MYO15A: variants seen among roughly 807,000 people sequenced by gnomAD.
MYO15A encodes the protein myosin XVA.
A neutral mutation model predicts 394.6 loss-of-function variants in MYO15A; 308 were observed. That is an observed-to-expected ratio of 0.78 (90% CI 0.71 to 0.86). The LOEUF is 0.86. MYO15A is among the 40% of genes least tolerant of loss of function. The probability of loss-of-function intolerance (pLI) is 0.00; values close to 1 mark genes in which losing one functional copy is unlikely to be tolerated. For missense variants in MYO15A, 4,606 were observed against 4,799.1 expected (o/e 0.96, Z 1.19); for synonymous variants, 1,957 against 2,003.8 (o/e 0.98, Z 0.62).
chr17:18,116,455 T>A (rs968064721), intron 1 of MYO15A, among the ~76,000 whole-genome samples: 2 of 152,250 alleles, frequency 1.3e-5, no homozygotes, highest in Non-Finnish European at 2.9e-5. Flanking sequence ...AGTCCCTTCA[T>A]CTTTTGAGTC....
chr17:18,140,484 C>T (rs771104271), intron 19 of MYO15A, 33 bp from the exon 20 acceptor site: 1 of 1,613,220 alleles, frequency 6.2e-7, no homozygotes, highest in East Asian at 2.2e-5. Context: ...CGGACCCTGC[C>T]TGTCTGTTTT....
chr17:18,112,428 C>T (rs1033359203), intron 1 of MYO15A, among the ~76,000 whole-genome samples: 1 of 152,032 alleles, frequency 6.6e-6, no homozygotes, highest in South Asian at 2.1e-4. Flanking sequence ...CAGGGTCTCG[C>T]ACCGTCACAC....
chr17:18,148,426 G>A lies in MYO15A; in HGVS notation c.6692-70G>A, dbSNP rs1387944556. 1 of 1,532,550 alleles carries A rather than the reference G, an allele frequency of 6.5e-7. No individual in the cohort carries two copies. Among genetic ancestry groups the A allele is most frequent in the Non-Finnish European group, 8.8e-7 (1 of 1,131,506 alleles). The allele number at this position is 1,532,550 out of a possible 1,614,324, so 94.9% of individuals were successfully genotyped here. On this transcript the variant is annotated intron_variant, in intron 31 of 65. Coordinates refer to ENST00000647165, the MANE Select transcript of MYO15A (RefSeq NM_016239.4). The surrounding 1 kb of genome is among the most constrained non-coding windows in gnomAD (Gnocchi z 4.8). The stretch of plus-strand genomic sequence containing the variant: ...GATACAGGAAGCCTGAAAGGAAGAA[G>A]CAAGCAGGGAGGCACAGCCAAACTG...
chr17:18,144,460 C>CT, intron 28 of MYO15A, 37 bp from the exon 29 acceptor site: 1 of 1,586,232 alleles, frequency 6.3e-7, no homozygotes, highest in Non-Finnish European at 8.6e-7. Context: ...CCTGTCAGTC[C>CT]AGCTCTGTCT....
chr17:18,126,612 G>A (rs990234780), intron 5 of MYO15A, among the ~76,000 whole-genome samples, 156 bp downstream of exon 5: 2 of 152,096 alleles, frequency 1.3e-5, no homozygotes, highest in Non-Finnish European at 2.9e-5. Flanking sequence ...AGGCAGGGCC[G>A]AAGCTACAGG....
At chr17:18,174,028 G>T in intron 65 of MYO15A, 107 bp downstream of exon 65, 1 of 1,458,800 alleles carries the variant, frequency 6.9e-7, no homozygotes. Context: ...CCAGGCCAGT[G>T]CATGGGACAG....
intron 1 of MYO15A, among the ~76,000 whole-genome samples, chr17:18,116,646 C>T (rs2045790231): frequency 2.8e-5 from 4 of 141,996 alleles, no homozygotes; most frequent in Admixed American, 2.1e-4. Context: ...CTCGGCTGGG[C>T]GCCGTGGCTC....
At chr17:18,139,293 C>T in intron 18 of MYO15A, 1 of 621,634 alleles carries the variant, frequency 1.6e-6, no homozygotes, top group Non-Finnish European at 3.0e-6. Flanking sequence ...CCTCTGTCCC[C>T]ATCCGGGCCT....
At chr17:18,151,661 TC>T in intron 40 of MYO15A, 134 bp downstream of exon 40, 1 of 1,261,346 alleles carries the variant, frequency 7.9e-7, no homozygotes, top group Non-Finnish European at 1.1e-6. Flanking sequence ...TACTGATGAG[TC>T]CAGATGAGGC....
intron 62 of MYO15A, 54 bp from the exon 63 acceptor site, chr17:18,171,584 T>C (rs779500166): frequency 8.7e-6 from 14 of 1,612,914 alleles, no homozygotes; most frequent in Middle Eastern, 1.6e-4. Flanking sequence ...ACAGTGAGGA[T>C]TGCCTGAGCC....
chr17:18,151,275 G>C lies in MYO15A; in HGVS notation c.7639G>C (p.Ala2547Pro), dbSNP rs1366764530. 6.2e-6 allele frequency: 10 copies of C among 1,614,076 alleles called. No homozygotes were observed. Among genetic ancestry groups the C allele is most frequent in the African/African-American group, 2.7e-5 (2 of 74,932 alleles). Residue 2547 changes from alanine (A) to proline (P), a missense_variant, in exon 39 of 66, where the codon GCT becomes CCT. Physicochemically the swap from Ala to Pro is conservative, Grantham distance 27 (BLOSUM62 -1). Transcript: ENST00000647165. Reference sequence around the variant, plus strand: ...TGCCCCTGTTCTAGCTCAGGATCAGGCTTCTCCAGAAACCAGTGAGTGCCC... The same window carrying C: ...TGCCCCTGTTCTAGCTCAGGATCAGCCTTCTCCAGAAACCAGTGAGTGCCC... ...VAAPVLAQDQ[A>P]SPETTSPSPE...
chr17:18,145,591 G>A (rs1018810806), intron 29 of MYO15A, among the ~76,000 whole-genome samples: 2 of 152,130 alleles, frequency 1.3e-5, no homozygotes, highest in African/African-American at 2.4e-5. Flanking sequence ...GCATGTGCCT[G>A]TAATCCTAGC....
rs748736370 is a variant in MYO15A at position 18,158,490 on chromosome 17, G to C, written c.8968-33G>C. ...CGAAGGGCTAGGCGTGGTGTGGCCG[G>C]ACTGGGCCTTCCTAGCTCCGCCTCT... is the stretch of plus-strand genomic sequence containing the variant. On this transcript the variant is annotated intron_variant, in intron 51 of 65. Coordinates refer to ENST00000647165, the MANE Select transcript of MYO15A (RefSeq NM_016239.4). The C allele has an allele frequency of 5.6e-6, 9 of 1,595,570 alleles. No individual in the cohort carries two copies. In the African/African-American group the frequency reaches 9.4e-5, roughly 17 times the overall value.
Position 18,137,682 on chromosome 17 carries a change from G to A in MYO15A, c.4875+3G>A, listed in dbSNP as rs200246472. ...AGATCGTCTTCCAGGAGGAGCAGGT[G>A]TGTGGGCCCCATTAATACTCCTGTC... On this transcript the variant is annotated splice_donor_region_variant and intron_variant, in intron 16 of 65. Coordinates refer to ENST00000647165, the MANE Select transcript of MYO15A (RefSeq NM_016239.4). 1.8e-4 allele frequency: 289 copies of A among 1,613,780 alleles called. No homozygotes were observed. The highest frequency in any genetic ancestry group is 2.3e-4 in the Non-Finnish European group (271 of 1,179,912).
chr17:18,127,227 T>C lies in MYO15A; in HGVS notation c.4032+62T>C, dbSNP rs2046064077. ...CACCCTTTGATAAGCACACCTCATG[T>C]ACTCCCGAAGAGGCAAGGCTCCTTG... On this transcript the variant is annotated intron_variant, in intron 7 of 65. Coordinates refer to ENST00000647165, the MANE Select transcript of MYO15A (RefSeq NM_016239.4). The C allele has an allele frequency of 3.2e-6, 5 of 1,576,856 alleles. 1 individual carries two copies. In the African/African-American group the frequency reaches 4.0e-5, roughly 13 times the overall value.
chr17:18,172,404 T>G (rs1215591044), intron 64 of MYO15A, 114 bp downstream of exon 64: 1 of 1,451,912 alleles, frequency 6.9e-7, no homozygotes, highest in Admixed American at 1.8e-5. Flanking sequence ...GCTTACCACC[T>G]TCATGATCTC....
chr17:18,142,117 T>C lies in MYO15A; in HGVS notation c.5688T>C (p.Ser1896=). ...AACACCTATACCAGCTGCTGGAGAG[T>C]ATGCGAGAGCATGTCCTGAATCTGG... The part of the protein sequence containing the change: ...LKEHLYQLLE[S]MREHVLNLAA... The change falls in exon 24 of 66, where the codon AGT becomes AGC. Residue 1896 remains serine (S), a synonymous_variant. Transcript: ENST00000647165. The C allele has an allele frequency of 6.2e-7, 1 of 1,613,690 alleles. No homozygotes were observed.
intron 19 of MYO15A, among the ~76,000 whole-genome samples, chr17:18,139,912 A>T (rs1042339211): frequency 6.6e-6 from 1 of 152,136 alleles, no homozygotes; most frequent in African/African-American, 2.4e-5. Flanking sequence ...CTTGCCCTGT[A>T]CTTACCCCAC....
chr17:18,178,370 GAAA>G, intron 65 of MYO15A: 32 of 274,132 alleles, frequency 1.2e-4, no homozygotes, highest in Middle Eastern at 1.3e-3. Flanking sequence ...CTCCATCTAG[GAAA>G]AAAAAAAAAA....
Sources: gnomAD v4.1 joint callset for allele counts (sites outside exome capture counted in the v4.1 genomes callset) on GRCh38, gnomAD v4.1.1 for gene constraint, Gnocchi (gnomAD v3.1) non-coding constraint, MANE v1.5 for transcripts, NCBI Gene and HGNC (gene_info 2026-07-23, HGNC 2026-07-21) for gene names.